The following TSHZ2 variants were observed in gnomAD, a reference collection of about 807,000 sequenced individuals.
The protein encoded by TSHZ2 is teashirt homolog 2.
TSHZ2 carries 21 observed loss-of-function variants against 74.4 expected under a neutral mutation model. That is an observed-to-expected ratio of 0.28 (90% CI 0.20 to 0.41). The LOEUF (loss-of-function observed/expected upper bound fraction) is 0.41, where lower values mean the gene tolerates loss of function less well. Among genes scored for constraint, TSHZ2 ranks in the 10% least tolerant of loss-of-function variants. The pLI is 1.00. For synonymous variants in TSHZ2, 540 were observed against 515.3 expected (o/e 1.05, Z -0.65); for missense variants, 1,244 against 1,293.5 (o/e 0.96, Z 0.59).
rs181003788 is a variant in TSHZ2, at chr20:53,426,294, A to G, written c.*9-60850A>G. On this transcript the variant is annotated intron_variant, in intron 2 of 2. Transcript: ENST00000371497. ...ACAAAGCCCTCAGGTCCTGTGTAAA[A>G]TTGAACATGAAAAATAGGCCTCTAA... Among the ~76,000 whole-genome samples, 173 of 152,314 alleles carry G rather than the reference A, an allele frequency of 1.1e-3. 1 individual carries two copies. Among genetic ancestry groups the G allele is most frequent in the Admixed American group, 2.0e-3 (30 of 15,310 alleles).
chr20:53,422,484 C>T (rs973154549), intron 2 of TSHZ2, among the ~76,000 whole-genome samples: 8 of 152,130 alleles, frequency 5.3e-5, no homozygotes, highest in South Asian at 4.1e-4. Flanking sequence ...GCAATTTATA[C>T]GTTCTCAACA....
At chr20:53,014,130 GC>G (rs1982948981) in intron 1 of TSHZ2, among the ~76,000 whole-genome samples, 1 of 152,082 alleles carries the variant, frequency 6.6e-6, no homozygotes, top group Non-Finnish European at 1.5e-5. Flanking sequence ...CAAGGTGCTA[GC>G]ATTGTCAAGT....
intron 1 of TSHZ2, among the ~76,000 whole-genome samples, chr20:53,154,184 C>G (rs1483100482): frequency 1.3e-5 from 2 of 152,122 alleles, no homozygotes; most frequent in Non-Finnish European, 2.9e-5. Flanking sequence ...GGGACTAGAA[C>G]AGGGGACTTG....
rs544909378 is a variant in TSHZ2 at position 53,136,808 on chromosome 20, T to C, written c.41-116691T>C. On this transcript the variant is annotated intron_variant, in intron 1 of 2. Coordinates refer to ENST00000371497, the MANE Select transcript of TSHZ2 (RefSeq NM_173485.6). The stretch of plus-strand genomic sequence containing the variant: ...CACCATTACAGGAAAAAAAAAAATC[T>C]ACTGAGGAAGAAGGGGAAAAGAGAT... Among the ~76,000 whole-genome samples the C allele has an allele frequency of 2.0e-5, 3 of 152,160 alleles. No individual in the cohort carries two copies. In the South Asian group the frequency reaches 6.3e-4, roughly 32 times the overall value.
chr20:53,262,338 T>C (rs1426766511), intron 2 of TSHZ2, among the ~76,000 whole-genome samples: 1 of 152,182 alleles, frequency 6.6e-6, no homozygotes, highest in Non-Finnish European at 1.5e-5. Flanking sequence ...GAAATCTCTC[T>C]AACGCATTGA....
intron 1 of TSHZ2, among the ~76,000 whole-genome samples, chr20:53,188,521 CTAAAT>C (rs1988656647): frequency 6.6e-6 from 1 of 152,248 alleles, no homozygotes; most frequent in African/African-American, 2.4e-5. Flanking sequence ...CAGCATCTTT[CTAAAT>C]TAATGAAATG....
chr20:53,413,804 C>CTA (rs1248529934), intron 2 of TSHZ2, among the ~76,000 whole-genome samples: 11 of 152,174 alleles, frequency 7.2e-5, no homozygotes, highest in Admixed American at 6.5e-4. Flanking sequence ...TACCAAGTGT[C>CTA]TATAGTATTC....
At chr20:53,152,438 C>T (rs1007241987) in intron 1 of TSHZ2, among the ~76,000 whole-genome samples, 1 of 152,128 alleles carries the variant, frequency 6.6e-6, no homozygotes, top group Non-Finnish European at 1.5e-5. Flanking sequence ...TGACCCTGAG[C>T]TTGACCCTTA....
chr20:53,448,162 G>A (rs561678767), intron 2 of TSHZ2, among the ~76,000 whole-genome samples: 5 of 152,104 alleles, frequency 3.3e-5, no homozygotes, highest in Non-Finnish European at 4.4e-5. Context: ...CGCCCACCTC[G>A]GCCTCCTGGA....
chr20:53,452,369 GC>G, intron 2 of TSHZ2, among the ~76,000 whole-genome samples: 1 of 152,300 alleles, frequency 6.6e-6, no homozygotes, highest in South Asian at 2.1e-4. Context: ...GGAGGCCGAG[GC>G]AGGTAAATCA....
Position 53,426,964 on chromosome 20 carries a change from G to A in TSHZ2, c.*9-60180G>A, listed in dbSNP as rs548578747. Among the ~76,000 whole-genome samples, 16 of 152,288 alleles carry A rather than the reference G, an allele frequency of 1.1e-4. No individual in the cohort carries two copies. In the East Asian group the frequency reaches 3.1e-3, roughly 29 times the overall value. Reference sequence around the variant, plus strand: ...ATTCCTATTTAGCCGTGATTTTTGTGGGGCACCAATGATTAAACTTGTCAC... The same window carrying A: ...ATTCCTATTTAGCCGTGATTTTTGTAGGGCACCAATGATTAAACTTGTCAC... On this transcript the variant is annotated intron_variant, in intron 2 of 2. Transcript: ENST00000371497.
At chr20:53,479,169 TAAAAAAAAA>T (rs71194483) in intron 2 of TSHZ2, among the ~76,000 whole-genome samples, 30,098 of 126,276 alleles carry the variant, frequency 0.24, 3,229 homozygotes, top group East Asian at 0.32. Flanking sequence ...TGTCTCAATT[TAAAAAAAAA>T]AAAAAAAAAA....
At position 53,064,000 on chromosome 20, in the gene TSHZ2, ATTAC is replaced by A. The variant is rs1297389398; in HGVS notation, c.40+90669_40+90672del. ...ATATTTCTTAATAGCGATGCAGCAA[ATTAC>A]TATATCTACATGGCAGGCACTTGGC... is the stretch of plus-strand genomic sequence containing the variant. On this transcript the variant is annotated intron_variant, in intron 1 of 2. Coordinates refer to ENST00000371497, the MANE Select transcript of TSHZ2 (RefSeq NM_173485.6). 2.6e-5 allele frequency among the ~76,000 whole-genome samples: 4 copies of A among 152,306 alleles called. No homozygotes were observed. In the East Asian group the frequency reaches 7.7e-4, roughly 29 times the overall value.
intron 2 of TSHZ2, among the ~76,000 whole-genome samples, chr20:53,317,409 C>A (rs924071702): frequency 2.6e-5 from 4 of 152,104 alleles, no homozygotes; most frequent in Non-Finnish European, 5.9e-5. Context: ...TTGATCTCTG[C>A]CAACCACAGA....
intron 2 of TSHZ2, among the ~76,000 whole-genome samples, chr20:53,428,373 A>T (rs563061998): frequency 6.6e-6 from 1 of 152,334 alleles, no homozygotes; most frequent in East Asian, 1.9e-4. Flanking sequence ...TGTAGAAAAC[A>T]TGGCACTAAT....
chr20:53,229,655 C>T (rs1296937120), intron 1 of TSHZ2, among the ~76,000 whole-genome samples: 8 of 152,042 alleles, frequency 5.3e-5, no homozygotes, highest in Admixed American at 5.2e-4. Flanking sequence ...ACCCTCATTC[C>T]CCTCAGCTCC....
intron 2 of TSHZ2, among the ~76,000 whole-genome samples, chr20:53,396,212 C>T (rs770832032): frequency 3.3e-5 from 5 of 152,236 alleles, no homozygotes; most frequent in Non-Finnish European, 7.3e-5. Flanking sequence ...GCTGGGATTA[C>T]AGGCGTGAGC....
chr20:53,464,768 A>G (rs1985504611), intron 2 of TSHZ2, among the ~76,000 whole-genome samples: 1 of 152,006 alleles, frequency 6.6e-6, no homozygotes, highest in African/African-American at 2.4e-5. Flanking sequence ...ACGCCCAGTC[A>G]GTATTTTTCT....
intron 2 of TSHZ2, among the ~76,000 whole-genome samples, chr20:53,337,185 G>A (rs1471291404): frequency 6.6e-6 from 1 of 152,182 alleles, no homozygotes; most frequent in Non-Finnish European, 1.5e-5. Flanking sequence ...CTCCGTTTGG[G>A]CCTTATTCAA....
Sources: gnomAD v4.1 joint callset for allele counts (sites outside exome capture counted in the v4.1 genomes callset) on GRCh38, gnomAD v4.1.1 for gene constraint, MANE v1.5 for transcripts, NCBI Gene and HGNC (gene_info 2026-07-23, HGNC 2026-07-21) for gene names.